The following CASP8 variants were observed in gnomAD, a reference collection of about 807,000 sequenced individuals.
CASP8 encodes the protein caspase 8.
Under a neutral mutation model 46.3 loss-of-function variants are expected in CASP8, and 24 were observed. The ratio of observed to expected loss-of-function variants is 0.52; its 90% CI spans 0.38 to 0.73. The LOEUF is 0.73. Among genes scored for constraint, CASP8 ranks in the 30% least tolerant of loss-of-function variants. The pLI is 0.00. For synonymous variants in CASP8, 188 were observed against 200.4 expected, an observed-to-expected ratio of 0.94 and a Z score of 0.52; for missense variants, 460 against 559.0, an observed-to-expected ratio of 0.82 and a Z score of 1.79.
In CASP8 at chr2:201,272,102, G is replaced by C. The variant is rs556833078; in HGVS notation, c.411+481G>C. The stretch of plus-strand genomic sequence containing the variant: ...GTGGTGTGTGTGTCTGTGTATCTCT[G>C]TGTGTGTGTTCTCTGTGTGGTATGT... On this transcript the variant is annotated intron_variant, in intron 3 of 8. Transcript: ENST00000673742. The surrounding 1 kb of genome is among the most constrained non-coding windows in gnomAD (Gnocchi z 4.4). Among the ~76,000 whole-genome samples, 6 of 151,952 alleles carry C rather than the reference G, an allele frequency of 3.9e-5. No individual in the cohort carries two copies. The East Asian group carries it at 7.7e-4, about 20-fold the overall frequency.
rs896612220 is a variant in CASP8 at position 201,272,015 on chromosome 2, C to G, written c.411+394C>G. ...TTTCCGTGTCTGTGTGTGCCTTTCT[C>G]TGTGTATAGTGTGTGTCTGTATTTG... is the stretch of plus-strand genomic sequence containing the variant. On this transcript the variant is annotated intron_variant, in intron 3 of 8. Coordinates refer to ENST00000673742, the MANE Select transcript of CASP8 (RefSeq NM_001372051.1). The surrounding 1 kb of genome is among the most constrained non-coding windows in gnomAD (Gnocchi z 4.4). Among the ~76,000 whole-genome samples the G allele has an allele frequency of 6.6e-6, 1 of 151,584 alleles. No homozygotes were observed. The highest frequency in any genetic ancestry group is 1.5e-5 in the Non-Finnish European group (1 of 67,900).
upstream of CASP8, among the ~76,000 whole-genome samples, chr2:201,255,950 G>T (rs1030793513): frequency 6.6e-6 from 1 of 152,112 alleles, no homozygotes; most frequent in African/African-American, 2.4e-5. Context: ...CAGAGACAGT[G>T]TCTCCCTATG....
intron 2 of CASP8, among the ~76,000 whole-genome samples, chr2:201,234,630 AT>A (rs1257270261): frequency 2.0e-5 from 3 of 146,852 alleles, no homozygotes; most frequent in Admixed American, 6.7e-5. Flanking sequence ...TTTTTTTTGT[AT>A]TTTTAGTAGA....
At chr2:201,269,737 C>A in intron 2 of CASP8, 1 of 662,152 alleles carries the variant, frequency 1.5e-6, no homozygotes, top group Non-Finnish European at 2.7e-6. Context: ...TGACCACTTA[C>A]CATTATAAGA....
In CASP8 at chr2:201,272,956, A is replaced by G; in HGVS notation, c.595+14A>G. On this transcript the variant is annotated intron_variant, in intron 5 of 8. Coordinates refer to ENST00000673742, the MANE Select transcript of CASP8 (RefSeq NM_001372051.1). This position sits in a 1 kb window ranked among gnomAD's most constrained non-coding sequence, Gnocchi z 4.4. ...AATTTTCAAATGGTAATGCTTGGAG[A>G]TACATTTTCAAGATTTAGTTAATTT... 6.2e-7 allele frequency: 1 copy of G among 1,611,670 alleles called. No homozygotes were observed. Among genetic ancestry groups the G allele is most frequent in the Non-Finnish European group, 8.5e-7 (1 of 1,177,956 alleles).
chr2:201,280,043 T>G (rs1490349447), intron 7 of CASP8, among the ~76,000 whole-genome samples: 1 of 152,030 alleles, frequency 6.6e-6, no homozygotes, highest in Non-Finnish European at 1.5e-5. Context: ...AAGATAATGT[T>G]GAGAAAAAAG....
intron 1 of CASP8, among the ~76,000 whole-genome samples, chr2:201,265,588 T>C (rs1398075131): frequency 6.6e-6 from 1 of 152,094 alleles, no homozygotes; most frequent in African/African-American, 2.4e-5. Flanking sequence ...TAATTCCAAG[T>C]TGGATAATGT....
At chr2:201,261,795 G>A (rs1019755277) in intron 1 of CASP8, among the ~76,000 whole-genome samples, 2 of 152,204 alleles carry the variant, frequency 1.3e-5, no homozygotes, top group Non-Finnish European at 2.9e-5. Context: ...TTCTGCTTCC[G>A]ATGGCAAATG....
At chr2:201,262,875 T>C (rs1947522721) in intron 1 of CASP8, among the ~76,000 whole-genome samples, 1 of 152,186 alleles carries the variant, frequency 6.6e-6, no homozygotes, top group Admixed American at 6.5e-5. Flanking sequence ...GTACTATGAC[T>C]AGAGGGATGT....
rs932278981 is a variant in CASP8, at chr2:201,266,203, C to T, written c.-26-258C>T. Among the ~76,000 whole-genome samples, 4 of 152,342 alleles carry T rather than the reference C, an allele frequency of 2.6e-5. No individual in the cohort carries two copies. The highest frequency in any genetic ancestry group is 9.6e-5 in the African/African-American group (4 of 41,588). The stretch of plus-strand genomic sequence containing the variant: ...CCATGTTAGTCAGGCTGGTCTCAAA[C>T]TCCTGACCTCGTGATCCGCCTGCCT... On this transcript the variant is annotated intron_variant, in intron 1 of 8. Coordinates refer to ENST00000673742, the MANE Select transcript of CASP8 (RefSeq NM_001372051.1). This position sits in a 1 kb window ranked among gnomAD's most constrained non-coding sequence, Gnocchi z 5.7.
At chr2:201,237,668 C>T (rs1052367289) in intron 2 of CASP8, among the ~76,000 whole-genome samples, 18 of 152,004 alleles carry the variant, frequency 1.2e-4, no homozygotes, top group African/African-American at 3.9e-4. Flanking sequence ...TTCCCACTTG[C>T]ACACACTCCC....
At chr2:201,270,039 C>A (rs1248378896) in intron 2 of CASP8, among the ~76,000 whole-genome samples, 2 of 152,056 alleles carry the variant, frequency 1.3e-5, no homozygotes, top group Non-Finnish European at 2.9e-5. Context: ...TGTTTCTACG[C>A]CATTTTTATT....
intron 2 of CASP8, among the ~76,000 whole-genome samples, chr2:201,235,590 G>T (rs1237660666): frequency 1.3e-5 from 2 of 152,048 alleles, no homozygotes; most frequent in Non-Finnish European, 1.5e-5. Context: ...CTTAGTAATT[G>T]CACTTGAGTT....
At chr2:201,261,372 C>T (rs1310774994) in intron 1 of CASP8, among the ~76,000 whole-genome samples, 1 of 98,602 alleles carries the variant, frequency 1.0e-5, no homozygotes, top group Non-Finnish European at 1.9e-5. Flanking sequence ...GCCTGGGCAA[C>T]AAGAGCGAAA....
rs1264312908 is a variant in CASP8 at position 201,285,419 on chromosome 2, A to T, written c.1304+102A>T. The stretch of plus-strand genomic sequence containing the variant: ...TATTCAGAGCCTATTAGAAAGTGCT[A>T]TGTGATTTAGATCACATTAACAGGT... On this transcript the variant is annotated intron_variant, in intron 8 of 8. Transcript: ENST00000673742. 1.9e-5 allele frequency: 27 copies of T among 1,414,152 alleles called. No individual in the cohort carries two copies. In the Admixed American group the frequency reaches 4.4e-4, roughly 23 times the overall value. The allele number at this position is 1,414,152 out of a possible 1,614,324, so 87.6% of individuals were successfully genotyped here.
At chr2:201,238,818 A>G (rs979333791) in intron 2 of CASP8, among the ~76,000 whole-genome samples, 5 of 151,196 alleles carry the variant, frequency 3.3e-5, no homozygotes, top group South Asian at 2.1e-4. Flanking sequence ...CTCACAGAGG[A>G]GGATTTGGCA....
chr2:201,273,679 C>CTTTT (rs763280710), intron 5 of CASP8, among the ~76,000 whole-genome samples: 1 of 146,082 alleles, frequency 6.8e-6, no homozygotes. Context: ...ATCAAATAGT[C>CTTTT]TTTTTTTTTT....
At chr2:201,269,589 G>A (rs2125205189) in intron 2 of CASP8, 1 of 1,612,190 alleles carries the variant, frequency 6.2e-7, no homozygotes. Flanking sequence ...GCGGAGGGTC[G>A]ATCATCTATT....
At chr2:201,273,872 G>A (rs564541591) in intron 5 of CASP8, among the ~76,000 whole-genome samples, 11 of 151,806 alleles carry the variant, frequency 7.2e-5, no homozygotes, top group Non-Finnish European at 1.5e-4. Context: ...ATGGGGTTTC[G>A]CTATGTTGCC....
Sources: gnomAD v4.1 joint callset for allele counts (sites outside exome capture counted in the v4.1 genomes callset) on GRCh38, gnomAD v4.1.1 for gene constraint, Gnocchi (gnomAD v3.1) non-coding constraint, MANE v1.5 for transcripts, NCBI Gene and HGNC (gene_info 2026-07-23, HGNC 2026-07-21) for gene names.